MAN2A2: variants seen among roughly 807,000 people sequenced by gnomAD.
The protein encoded by MAN2A2 is mannosidase alpha class 2A member 2, also known as alpha-mannosidase 2x.
A neutral mutation model predicts 126.8 loss-of-function variants in MAN2A2; 79 were observed. The ratio of observed to expected loss-of-function variants is 0.62; its 90% CI spans 0.52 to 0.75. MAN2A2 has a LOEUF of 0.75. Ranked by LOEUF, MAN2A2 falls within the 30% of genes least tolerant of loss-of-function variation. The pLI is 0.00. For missense variants in MAN2A2, 1,392 were observed against 1,522.4 expected (o/e 0.91, Z 1.43); for synonymous variants, 671 against 618.7 (o/e 1.08, Z -1.25).
In MAN2A2 at chr15:90,909,308, GT is replaced by G. The variant is rs748384481; in HGVS notation, c.1197-11del. 2.3e-5 allele frequency: 37 copies of G among 1,594,590 alleles called. No homozygotes were observed. The African/African-American group carries it at 3.1e-4, about 13-fold the overall frequency. On this transcript the variant is annotated intron_variant, in intron 8 of 22. Coordinates refer to ENST00000559717, the MANE Select transcript of MAN2A2 (RefSeq NM_006122.4). Reference sequence around the variant, plus strand: ...TGATGAGACTTCGTGGTGGGCCCATGTTTTTTTTCCTGCCCCAGGGCAGCCC... The same window carrying G: ...TGATGAGACTTCGTGGTGGGCCCATGTTTTTTTCCTGCCCCAGGGCAGCCC...
intron 5 of MAN2A2, 64 bp from the exon 6 acceptor site, chr15:90,906,306 T>A: frequency 6.2e-6 from 10 of 1,602,762 alleles, no homozygotes; most frequent in Non-Finnish European, 8.5e-6. Context: ...GCCCTGACAT[T>A]TGCTGGTTGG....
At position 90,906,828 on chromosome 15, in the gene MAN2A2, C is replaced by T. The variant is rs2034335325; in HGVS notation, c.924C>T (p.Ser308=). 9 of 1,614,094 alleles carry T rather than the reference C, an allele frequency of 5.6e-6. No homozygotes were observed. In the East Asian group the frequency reaches 1.8e-4, roughly 32 times the overall value. Reference sequence around the variant, plus strand: ...TGCTGCGCCGTGCCAACCTCACCAGCATGCTGATTCAGAGAGTGCACTATG... The same window carrying T: ...TGCTGCGCCGTGCCAACCTCACCAGTATGCTGATTCAGAGAGTGCACTATG... ...PYLLRRANLT[S]MLIQRVHYAI... Residue 308 remains serine (S), a synonymous_variant, in exon 7 of 23, where the codon AGC becomes AGT. Coordinates refer to ENST00000559717, the MANE Select transcript of MAN2A2 (RefSeq NM_006122.4).
In MAN2A2 at chr15:90,910,206, G is replaced by A. The variant is rs1189524251; in HGVS notation, c.1491G>A (p.Ala497=). ...TGAGCGGGGATTTCTTCTCCTATGC[G>A]GACCGGGAGGATCATTACTGGACAG... ...PVLSGDFFSY[A]DREDHYWTGY... Residue 497 remains alanine, a synonymous_variant, in exon 10 of 23, where the codon GCG becomes GCA. Transcript: ENST00000559717. 8 of 1,614,042 alleles carry A rather than the reference G, an allele frequency of 5.0e-6. No homozygotes were observed. The highest frequency in any genetic ancestry group is 5.9e-6 in the Non-Finnish European group (7 of 1,180,040).
chr15:90,908,280 G>A (rs28690870), intron 8 of MAN2A2, among the ~76,000 whole-genome samples: 7,950 of 152,268 alleles, frequency 0.052, 651 homozygotes, highest in African/African-American at 0.17. Context: ...TTACTAGACT[G>A]ATAAGTTAGG....
At chr15:90,918,486 C>T (rs1014318302) in intron 21 of MAN2A2, 98 bp downstream of exon 21, 2 of 1,403,208 alleles carry the variant, frequency 1.4e-6, no homozygotes, top group African/African-American at 1.4e-5. Flanking sequence ...GTCCAGACCC[C>T]TTAGCAGGTA....
chr15:90,905,438 G>A lies in MAN2A2; in HGVS notation c.320G>A (p.Ser107Asn), dbSNP rs2034193950. 2 of 1,613,876 alleles carry A rather than the reference G, an allele frequency of 1.2e-6. No individual in the cohort carries two copies. The highest frequency in any genetic ancestry group is 1.7e-6 in the Non-Finnish European group (2 of 1,180,016). ...GTGGTGCCACCGGAGCCCCGGCCCA[G>A]CTTCTTCTCCATCTCCCCGCAGGAC... ...SWVVPPEPRP[S>N]FFSISPQDCQ... Residue 107 changes from serine (S) to asparagine (N), a missense_variant, in exon 3 of 23, where the codon AGC (serine) becomes AAC (asparagine). Ser to Asn is a conservative substitution (Grantham distance 46). Transcript: ENST00000559717.
intron 2 of MAN2A2, among the ~76,000 whole-genome samples, chr15:90,904,715 A>T (rs1455943948): frequency 1.3e-5 from 2 of 151,462 alleles, no homozygotes; most frequent in Non-Finnish European, 2.9e-5. Context: ...TCAGCCTCCC[A>T]AGTAGCTGGG....
At chr15:90,902,664 C>T (rs938615289), upstream of MAN2A2, 6 of 151,116 alleles carry the variant, frequency 4.0e-5, no homozygotes, top group Non-Finnish European at 7.4e-5. Context: ...CCGCGGCGGC[C>T]AGAGCTCCTG....
intron 22 of MAN2A2, 98 bp from the exon 23 acceptor site, chr15:90,919,536 GC>G (rs1181988472): frequency 6.9e-7 from 1 of 1,444,828 alleles, no homozygotes; most frequent in African/African-American, 1.4e-5. Context: ...ACTGCCCCTG[GC>G]TGAGATTCTT....
At chr15:90,916,711 C>T (rs2035216104) in intron 20 of MAN2A2, 17 of 1,254,932 alleles carry the variant, frequency 1.4e-5, no homozygotes, top group Admixed American at 9.2e-5. Flanking sequence ...GGTGTAGCTG[C>T]GCCAGAGCCC....
chr15:90,911,817 GA>G, intron 14 of MAN2A2: 1 of 607,340 alleles, frequency 1.6e-6, no homozygotes, highest in Non-Finnish European at 2.9e-6. Context: ...AATGTTTATC[GA>G]AAGCTTAATG....
chr15:90,916,190 C>T lies in MAN2A2; in HGVS notation c.2928C>T (p.Leu976=), dbSNP rs755699211. 6.2e-7 allele frequency: 1 copy of T among 1,614,128 alleles called. No individual in the cohort carries two copies. The change falls in exon 20 of 23, where the codon CTC becomes CTT. Residue 976 remains leucine (L), a synonymous_variant. Coordinates refer to ENST00000559717, the MANE Select transcript of MAN2A2 (RefSeq NM_006122.4). ...QDDNRGLGQG[L]KDNKRTCNRF... ...ACAACCGGGGCCTAGGCCAAGGGCT[C>T]AAGGACAACAAGAGAACCTGCAACC...
Position 90,904,257 on chromosome 15 carries a change from T to C in MAN2A2, c.50T>C (p.Val17Ala). The change falls in exon 2 of 23, where the codon GTG (valine) becomes GCG (alanine). Residue 17 changes from valine (V) to alanine (A), a missense_variant. Val to Ala is a moderately conservative substitution (Grantham distance 64, BLOSUM62 0). Transcript: ENST00000559717. ...GTGTGTGGGGCTGCCATCTTCTGTG[T>C]GGCAGTCTTCTCGCTCTACCTCATG... ...VTVCGAAIFC[V>A]AVFSLYLMLD... 6.2e-7 allele frequency: 1 copy of C among 1,614,258 alleles called. No individual in the cohort carries two copies. The highest frequency in any genetic ancestry group is 8.5e-7 in the Non-Finnish European group (1 of 1,180,046).
chr15:90,910,793 A>G, intron 11 of MAN2A2, 54 bp from the exon 12 acceptor site: 1 of 1,598,140 alleles, frequency 6.3e-7, no homozygotes, highest in Non-Finnish European at 8.6e-7. Context: ...CTGACAAGGC[A>G]GACAGCTTCC....
rs1347605862 is a variant in MAN2A2, at chr15:90,918,701, C to T, written c.3246C>T (p.Asp1082=). 4.6e-6 allele frequency: 7 copies of T among 1,521,740 alleles called. No individual in the cohort carries two copies. In the Admixed American group the frequency reaches 6.7e-5, roughly 15 times the overall value. 94.3% of individuals were successfully genotyped at this position (1,521,740 alleles called of 1,614,324 possible). A position where few individuals can be genotyped will look rare whatever the true frequency, so the allele number is the denominator to read the frequency against. Residue 1082 remains aspartate, a synonymous_variant, in exon 22 of 23, where the codon GAC becomes GAT. Coordinates refer to ENST00000559717, the MANE Select transcript of MAN2A2 (RefSeq NM_006122.4). ...TALILHRKGF[D]CGLEAKNLGF... ...TCATCTTACACCGCAAGGGTTTTGA[C>T]TGCGGCCTGGAGGCCAAGAACTTGG...
At position 90,912,287 on chromosome 15, in the gene MAN2A2, G is replaced by T. The variant is rs778928012; in HGVS notation, c.2346+8G>T. On this transcript the variant is annotated splice_region_variant and intron_variant, in intron 15 of 22. Transcript: ENST00000559717. ...CTTACTGGGCTCCTCAAGGTAAAAGGCCAGGGTGGTGGGGAAGGGCCAGGG... is the reference window on the plus strand; with the variant it reads ...CTTACTGGGCTCCTCAAGGTAAAAGTCCAGGGTGGTGGGGAAGGGCCAGGG... 2.5e-5 allele frequency: 41 copies of T among 1,614,046 alleles called. 1 individual carries two copies. The highest frequency in any genetic ancestry group is 1.8e-4 in the East Asian group (8 of 44,886).
At chr15:90,911,901 T>C (rs2034778829) in intron 14 of MAN2A2, 142 bp from the exon 15 acceptor site, 1 of 709,390 alleles carries the variant, frequency 1.4e-6, no homozygotes, top group Non-Finnish European at 2.4e-6. Context: ...AAAGGGCAAA[T>C]CAGATCACCT....
At chr15:90,912,328 G>C in intron 15 of MAN2A2, 49 bp downstream of exon 15, 3 of 1,599,176 alleles carry the variant, frequency 1.9e-6, no homozygotes, top group Non-Finnish European at 2.6e-6. Flanking sequence ...AGTAGGGCGT[G>C]TGTGGTGGTG....
In MAN2A2 at chr15:90,905,361, C is replaced by G; in HGVS notation, c.243C>G (p.Asn81Lys). ...ACTCCGTGCTGGAGCTGACAGCCAA[C>G]GCAGAGGGCCCGCCCGCCATGCTGC... ...IKDSVLELTA[N>K]AEGPPAMLPY... Residue 81 changes from asparagine (N) to lysine (K), a missense_variant, in exon 3 of 23, where the codon AAC becomes AAG. Physicochemically the swap from Asn to Lys is moderately conservative, Grantham distance 94. Transcript: ENST00000559717. The G allele has an allele frequency of 6.2e-7, 1 of 1,613,828 alleles. No homozygotes were observed. The highest frequency in any genetic ancestry group is 8.5e-7 in the Non-Finnish European group (1 of 1,180,040).
Sources: gnomAD v4.1 joint callset for allele counts (sites outside exome capture counted in the v4.1 genomes callset) on GRCh38, gnomAD v4.1.1 for gene constraint, MANE v1.5 for transcripts, NCBI Gene and HGNC (gene_info 2026-07-23, HGNC 2026-07-21) for gene names.